The following PCDH7 variants were observed in gnomAD, a reference collection of about 807,000 sequenced individuals.
PCDH7 encodes the protein protocadherin-7.
PCDH7 carries 17 observed loss-of-function variants against 58.9 expected under a neutral mutation model. The observed-to-expected ratio is 0.29, with a 90% CI of 0.20 to 0.43. The LOEUF is 0.43. Ranked by LOEUF, PCDH7 falls within the 20% of genes least tolerant of loss-of-function variation. PCDH7 has a pLI of 1.00. For missense variants in PCDH7, 1,274 were observed against 1,441.0 expected (o/e 0.88, Z 1.88); for synonymous variants, 664 against 616.4 (o/e 1.08, Z -1.14).
chr4:31,056,454 GAAAGAA>G (rs1757192481), intron 3 of PCDH7, among the ~76,000 whole-genome samples: 4 of 28,526 alleles, frequency 1.4e-4, no homozygotes, highest in East Asian at 4.6e-3. Flanking sequence ...AAGAAAGAAA[GAAAGAA>G]GAAAGAAAGA....
In PCDH7 at chr4:30,894,768, G is replaced by GATCAGGAA. The variant is rs1274729661; in HGVS notation, c.71-25384_71-25377dup. On this transcript the variant is annotated intron_variant, in intron 1 of 3. Coordinates refer to the PCDH7 transcript ENST00000509759. ...GGATAAGGAACTCCAGGAGTAAAAA[G>GATCAGGAA]ATCAGGAACCTGATTTTACGTTGTG... is the stretch of plus-strand genomic sequence containing the variant. Among the ~76,000 whole-genome samples the GATCAGGAA allele has an allele frequency of 2.0e-5, 3 of 150,534 alleles. No homozygotes were observed. The Admixed American group carries it at 2.0e-4, about 10-fold the overall frequency.
At chr4:31,001,575 A>G (rs910744840) in intron 3 of PCDH7, among the ~76,000 whole-genome samples, 3 of 152,156 alleles carry the variant, frequency 2.0e-5, no homozygotes, top group Non-Finnish European at 4.4e-5. Context: ...ATTCAAATAC[A>G]TAAGGAATCA....
chr4:30,747,962 G>A (rs1001810059), intron 1 of PCDH7, among the ~76,000 whole-genome samples: 1 of 152,116 alleles, frequency 6.6e-6, no homozygotes, highest in African/African-American at 2.4e-5. Flanking sequence ...TACTTGCACT[G>A]TATCTTGCTT....
intron 2 of PCDH7, among the ~76,000 whole-genome samples, chr4:30,924,363 C>T (rs1158014175): frequency 6.6e-6 from 1 of 152,094 alleles, no homozygotes; most frequent in East Asian, 1.9e-4. Flanking sequence ...GTTCCAGGTC[C>T]AATAATCTGT....
intron 1 of PCDH7, among the ~76,000 whole-genome samples, chr4:30,764,095 T>A (rs1175696012): frequency 2.0e-5 from 3 of 152,204 alleles, no homozygotes; most frequent in African/African-American, 7.2e-5. Context: ...TGAAAGATCC[T>A]AATCTTTCAG....
At chr4:30,964,614 C>CT (rs5857217) in intron 3 of PCDH7, among the ~76,000 whole-genome samples, 109,105 of 144,464 alleles carry the variant, frequency 0.76, 41,404 homozygotes, top group African/African-American at 0.85. Context: ...CACAAATGGA[C>CT]TTTTTTTTTT....
chr4:30,964,962 G>A (rs557844500), intron 3 of PCDH7, among the ~76,000 whole-genome samples: 1 of 152,270 alleles, frequency 6.6e-6, no homozygotes, highest in East Asian at 1.9e-4. Context: ...TTTTGCTTGA[G>A]TGCTTACGCT....
intron 1 of PCDH7, among the ~76,000 whole-genome samples, chr4:30,743,747 C>CAT (rs1331258113): frequency 1.3e-5 from 2 of 152,086 alleles, no homozygotes; most frequent in East Asian, 3.9e-4. Flanking sequence ...CACACACACA[C>CAT]GTATACCTCA....
intron 3 of PCDH7, among the ~76,000 whole-genome samples, chr4:31,080,333 T>C (rs1759395513): frequency 6.6e-6 from 1 of 152,150 alleles, no homozygotes; most frequent in African/African-American, 2.4e-5. Context: ...ATTAATCAAA[T>C]TGATTTTTAA....
intron 3 of PCDH7, among the ~76,000 whole-genome samples, chr4:30,972,207 T>C (rs1347473236): frequency 6.6e-6 from 1 of 152,188 alleles, no homozygotes; most frequent in Non-Finnish European, 1.5e-5. Context: ...GCTCCAATTT[T>C]TCTTAATCTG....
At chr4:30,885,700 C>A in intron 1 of PCDH7, among the ~76,000 whole-genome samples, 1 of 152,174 alleles carries the variant, frequency 6.6e-6, no homozygotes. Context: ...CTGGAGGCAT[C>A]ACTCTACCTG....
At chr4:30,989,538 G>A (rs942747543) in intron 3 of PCDH7, among the ~76,000 whole-genome samples, 11 of 152,128 alleles carry the variant, frequency 7.2e-5, no homozygotes, top group African/African-American at 2.7e-4. Context: ...CCTTTTACAG[G>A]TGCCGCACCA....
intron 1 of PCDH7, among the ~76,000 whole-genome samples, chr4:30,846,179 A>G (rs954232582): frequency 3.9e-5 from 6 of 152,118 alleles, no homozygotes; most frequent in African/African-American, 1.2e-4. Context: ...GGATCAGACA[A>G]TTCTTGCTAC....
At chr4:30,997,028 A>G (rs1751955450) in intron 3 of PCDH7, among the ~76,000 whole-genome samples, 1 of 152,102 alleles carries the variant, frequency 6.6e-6, no homozygotes, top group Non-Finnish European at 1.5e-5. Flanking sequence ...CTGTAAAATC[A>G]GTGAACCCTA....
At chr4:31,028,333 A>C (rs1754615745) in intron 3 of PCDH7, among the ~76,000 whole-genome samples, 1 of 152,142 alleles carries the variant, frequency 6.6e-6, no homozygotes, top group Non-Finnish European at 1.5e-5. Context: ...AATTATTTAA[A>C]TGTGAAAATC....
intron 1 of PCDH7, among the ~76,000 whole-genome samples, chr4:30,881,901 T>A: frequency 6.6e-6 from 1 of 152,168 alleles, no homozygotes; most frequent in East Asian, 1.9e-4. Context: ...TTAGCAAAGC[T>A]GAGATATAAA....
chr4:30,920,233 C>A, exon 2 of PCDH7: 1 of 1,367,658 alleles, frequency 7.3e-7, no homozygotes, highest in Non-Finnish European at 9.8e-7. Flanking sequence ...GCTATGACAG[C>A]GGGCTGGAGG....
At chr4:31,099,429 A>G (rs1158715007) in intron 3 of PCDH7, among the ~76,000 whole-genome samples, 1 of 152,210 alleles carries the variant, frequency 6.6e-6, no homozygotes, top group Non-Finnish European at 1.5e-5. Flanking sequence ...ATTTATCAGA[A>G]GTGGTAAATT....
chr4:31,018,987 T>A (rs149032247), intron 3 of PCDH7, among the ~76,000 whole-genome samples: 1 of 152,302 alleles, frequency 6.6e-6, no homozygotes, highest in East Asian at 1.9e-4. Context: ...CTTTGATTTA[T>A]ACTTGGTGAG....
Sources: gnomAD v4.1 joint callset for allele counts (sites outside exome capture counted in the v4.1 genomes callset) on GRCh38, gnomAD v4.1.1 for gene constraint, MANE v1.5 for transcripts, NCBI Gene and HGNC (gene_info 2026-07-23, HGNC 2026-07-21) for gene names.